The following SULF1 variants were observed in gnomAD, a reference collection of about 807,000 sequenced individuals.
SULF1 encodes sulfatase 1.
In SULF1, 46 loss-of-function variants were observed where a neutral mutation model predicts 110.5. That is an observed-to-expected ratio of 0.42 (90% CI 0.33 to 0.53). SULF1 has a LOEUF of 0.53. Ranked by LOEUF, SULF1 falls within the 20% of genes least tolerant of loss-of-function variation. The probability of loss-of-function intolerance (pLI) is 0.12; values close to 1 mark genes in which losing one functional copy is unlikely to be tolerated. For synonymous variants in SULF1, 371 were observed against 387.1 expected (o/e 0.96, Z 0.49); for missense variants, 941 against 1,094.2 (o/e 0.86, Z 1.98).
At chr8:69,482,837 A>G (rs1809562825) in intron 1 of SULF1, among the ~76,000 whole-genome samples, 1 of 152,224 alleles carries the variant, frequency 6.6e-6, no homozygotes, top group South Asian at 2.1e-4. Context: ...TCTCCTAACT[A>G]TAATCTATTT....
chr8:69,498,954 G>A (rs368476014), intron 2 of SULF1, among the ~76,000 whole-genome samples: 2 of 152,276 alleles, frequency 1.3e-5, no homozygotes, highest in East Asian at 3.9e-4. Context: ...GACTTCCTGG[G>A]CTGAAGCCAT....
chr8:69,554,251 AT>A (rs1806285591), intron 3 of SULF1, among the ~76,000 whole-genome samples: 1 of 152,232 alleles, frequency 6.6e-6, no homozygotes, highest in African/African-American at 2.4e-5. Flanking sequence ...GTACGGAAGA[AT>A]TCTAAGGACT....
At chr8:69,565,445 T>G (rs1351132636) in intron 5 of SULF1, among the ~76,000 whole-genome samples, 2 of 152,198 alleles carry the variant, frequency 1.3e-5, no homozygotes, top group Non-Finnish European at 2.9e-5. Context: ...AATAGCACAG[T>G]CTCTGCATGA....
intron 3 of SULF1, among the ~76,000 whole-genome samples, chr8:69,537,532 C>T (rs908519248): frequency 8.5e-5 from 13 of 152,192 alleles, no homozygotes; most frequent in African/African-American, 3.1e-4. Context: ...ATTCTACCCT[C>T]AGCATGAGTG....
At chr8:69,565,762 G>A (rs887221111) in intron 5 of SULF1, among the ~76,000 whole-genome samples, 10 of 152,088 alleles carry the variant, frequency 6.6e-5, no homozygotes, top group African/African-American at 2.2e-4. Flanking sequence ...TCTCCTCTGT[G>A]GGCAAATGAG....
At chr8:69,516,753 G>A (rs1019836644) in intron 3 of SULF1, among the ~76,000 whole-genome samples, 2 of 152,026 alleles carry the variant, frequency 1.3e-5, no homozygotes, top group Non-Finnish European at 2.9e-5. Flanking sequence ...GTTACAAACA[G>A]GCAATGTTAA....
intron 8 of SULF1, among the ~76,000 whole-genome samples, chr8:69,590,409 C>G (rs1806809083): frequency 6.6e-6 from 1 of 152,204 alleles, no homozygotes; most frequent in African/African-American, 2.4e-5. Context: ...AAGTGATCCA[C>G]CCACCTCGGC....
chr8:69,577,701 C>T lies in SULF1; in HGVS notation c.412+1492C>T, dbSNP rs375287938. Among the ~76,000 whole-genome samples the T allele has an allele frequency of 5.9e-5, 9 of 152,286 alleles. No individual in the cohort carries two copies. The East Asian group carries it at 1.7e-3, about 29-fold the overall frequency. The stretch of plus-strand genomic sequence containing the variant: ...TTAGGAAGGGCAAGAAAGAAGGGAA[C>T]TCCATTTTGCCATTATCTCACCTAA... On this transcript the variant is annotated intron_variant, in intron 6 of 22. Transcript: ENST00000402687.
intron 5 of SULF1, among the ~76,000 whole-genome samples, chr8:69,573,371 T>G (rs560392091): frequency 1.3e-5 from 2 of 152,216 alleles, no homozygotes; most frequent in African/African-American, 4.8e-5. Context: ...TTTTAGCCCC[T>G]GTTTTTATAT....
chr8:69,586,444 G>T lies in SULF1; in HGVS notation c.500G>T (p.Arg167Leu). ...TGGCTTGGATTAATCAAGAATTCTC[G>T]CTTCTATAATTACACTGTTTGTCGC... ...REWLGLIKNS[R>L]FYNYTVCRNG... is the part of the protein sequence containing the mutation. The change falls in exon 7 of 23, where the codon CGC (arginine) becomes CTC (leucine). Residue 167 changes from arginine to leucine, a missense_variant. This residue lies in a region of SULF1 where 822 missense variants were observed against 934.3 expected (regional missense o/e 0.88). Coordinates refer to ENST00000402687, the MANE Select transcript of SULF1 (RefSeq NM_001128205.2). The T allele has an allele frequency of 1.2e-6, 2 of 1,611,960 alleles. No homozygotes were observed. The highest frequency in any genetic ancestry group is 1.1e-5 in the South Asian group (1 of 90,682).
intron 3 of SULF1, among the ~76,000 whole-genome samples, chr8:69,516,330 G>A (rs1811915563): frequency 1.3e-5 from 2 of 152,080 alleles, no homozygotes; most frequent in Non-Finnish European, 2.9e-5. Context: ...AGCTGGCATT[G>A]TCCTACATTG....
intron 3 of SULF1, among the ~76,000 whole-genome samples, chr8:69,522,456 G>C (rs1373670419): frequency 6.6e-6 from 1 of 152,174 alleles, no homozygotes; most frequent in Non-Finnish European, 1.5e-5. Flanking sequence ...AAAGAGTTCA[G>C]TTTCGGAAGT....
chr8:69,490,275 T>C (rs1192025990), upstream of SULF1, among the ~76,000 whole-genome samples: 1 of 151,550 alleles, frequency 6.6e-6, no homozygotes, highest in Non-Finnish European at 1.5e-5. Flanking sequence ...GCTAATTTTT[T>C]TATTTTTTGC....
intron 8 of SULF1, among the ~76,000 whole-genome samples, chr8:69,595,674 G>T (rs1807251603): frequency 6.6e-6 from 1 of 152,162 alleles, no homozygotes; most frequent in African/African-American, 2.4e-5. Flanking sequence ...TGATGGTTCT[G>T]CTACCAGTAA....
intron 22 of SULF1, among the ~76,000 whole-genome samples, chr8:69,656,690 T>G (rs1183175043): frequency 6.6e-6 from 1 of 152,224 alleles, no homozygotes; most frequent in Non-Finnish European, 1.5e-5. Flanking sequence ...CCACGGTATA[T>G]ATGTACCACA....
At chr8:69,517,240 A>G (rs1220133418) in intron 3 of SULF1, among the ~76,000 whole-genome samples, 4 of 152,178 alleles carry the variant, frequency 2.6e-5, no homozygotes, top group Admixed American at 6.5e-5. Context: ...CATGATAGCC[A>G]ACACATTCCC....
intron 1 of SULF1, among the ~76,000 whole-genome samples, chr8:69,482,214 G>T (rs1422426670): frequency 2.0e-5 from 3 of 152,112 alleles, no homozygotes; most frequent in African/African-American, 7.2e-5. Flanking sequence ...GAAAAATTTG[G>T]CACTATAACC....
chr8:69,511,848 G>T lies in SULF1; in HGVS notation c.-134+9880G>T, dbSNP rs1211695471. Reference sequence around the variant, plus strand: ...GGTTTGCAAGTTATATACATTCGATGACTTTTTTACAGCTACAACTATAAT... The same window carrying T: ...GGTTTGCAAGTTATATACATTCGATTACTTTTTTACAGCTACAACTATAAT... On this transcript the variant is annotated intron_variant, in intron 3 of 22. Coordinates refer to ENST00000402687, the MANE Select transcript of SULF1 (RefSeq NM_001128205.2). 2.0e-5 allele frequency among the ~76,000 whole-genome samples: 3 copies of T among 152,256 alleles called. No homozygotes were observed. In the East Asian group the frequency reaches 5.8e-4, roughly 29 times the overall value.
chr8:69,528,465 C>T (rs905209073), intron 3 of SULF1, among the ~76,000 whole-genome samples: 3 of 152,126 alleles, frequency 2.0e-5, no homozygotes, highest in African/African-American at 7.2e-5. Flanking sequence ...AAAGATTAGT[C>T]GACTTAGTAT....
Sources: allele counts gnomAD v4.1 joint callset (sites outside exome capture counted in the v4.1 genomes callset), GRCh38; gene constraint gnomAD v4.1.1; regional missense constraint gnomAD v4.1.1; transcripts MANE v1.5; gene names NCBI Gene and HGNC (gene_info 2026-07-23, HGNC 2026-07-21).